The following SPTBN1 variants were observed in gnomAD, a reference collection of about 807,000 sequenced individuals.
The protein encoded by SPTBN1 is spectrin beta, non-erythrocytic 1, also known as spectrin beta chain, non-erythrocytic 1.
Under a neutral mutation model 266.4 loss-of-function variants are expected in SPTBN1, and 32 were observed. That is an observed-to-expected ratio of 0.12 (90% CI 0.09 to 0.16). The LOEUF (loss-of-function observed/expected upper bound fraction) is 0.16. SPTBN1 is among the 10% of genes least tolerant of loss of function. SPTBN1 has a pLI of 1.00. For missense variants in SPTBN1, 2,296 were observed against 3,067.1 expected (o/e 0.75, Z 5.94); for synonymous variants, 1,336 against 1,162.2 (o/e 1.15, Z -3.04).
intron 1 of SPTBN1, among the ~76,000 whole-genome samples, chr2:54,514,611 A>G (rs1573310743): frequency 6.6e-6 from 1 of 152,238 alleles, no homozygotes; most frequent in Non-Finnish European, 1.5e-5. Context: ...TCTGGTGGGG[A>G]GTAGCCACTC....
Position 54,628,210 on chromosome 2 carries a change from T to C in SPTBN1, c.1758T>C (p.Gly586=). 1 of 1,613,540 alleles carries C rather than the reference T, an allele frequency of 6.2e-7. No individual in the cohort carries two copies. Among genetic ancestry groups the C allele is most frequent in the Non-Finnish European group, 8.5e-7 (1 of 1,179,762 alleles). The part of the protein sequence containing the change: ...DIGIQAERVR[G]VNASAQKFAT... Reference sequence around the variant, plus strand: ...GCATCCAGGCAGAGCGGGTGAGAGGTGTCAATGCCTCCGCCCAGAAGTTCG... The same window carrying C: ...GCATCCAGGCAGAGCGGGTGAGAGGCGTCAATGCCTCCGCCCAGAAGTTCG... The change falls in exon 13 of 36, where the codon GGT becomes GGC. Residue 586 remains glycine (G), a synonymous_variant. Transcript: ENST00000356805. The surrounding 1 kb of genome is among the most constrained non-coding windows in gnomAD (Gnocchi z 4.3).
At chr2:54,469,982 C>T (rs6545408) in intron 1 of SPTBN1, among the ~76,000 whole-genome samples, 53,751 of 152,040 alleles carry the variant, frequency 0.35, 12,386 homozygotes, top group African/African-American at 0.66. Flanking sequence ...TTCTCTGTTT[C>T]AAAGGTAGGT....
At chr2:54,619,675 C>T (rs1414209118) in intron 7 of SPTBN1, among the ~76,000 whole-genome samples, 1 of 152,182 alleles carries the variant, frequency 6.6e-6, no homozygotes, top group Non-Finnish European at 1.5e-5. Context: ...GTTTTGTTGA[C>T]ATTTTGTGTT....
At chr2:54,471,555 A>G (rs1693919737) in intron 1 of SPTBN1, among the ~76,000 whole-genome samples, 1 of 152,070 alleles carries the variant, frequency 6.6e-6, no homozygotes, top group Non-Finnish European at 1.5e-5. Flanking sequence ...TAATGCAGCA[A>G]CATCTTACTT....
intron 2 of SPTBN1, among the ~76,000 whole-genome samples, chr2:54,549,007 A>G (rs1229589590): frequency 2.0e-5 from 3 of 152,214 alleles, no homozygotes; most frequent in Non-Finnish European, 4.4e-5. Context: ...AGGTTCTGTA[A>G]GACTTGCATT....
At chr2:54,504,980 G>A (rs1669477540) in intron 1 of SPTBN1, among the ~76,000 whole-genome samples, 1 of 152,166 alleles carries the variant, frequency 6.6e-6, no homozygotes, top group Non-Finnish European at 1.5e-5. Context: ...GTTTGTAGAA[G>A]AATACTTTGT....
chr2:54,529,034 TAGC>T (rs1573345355), intron 2 of SPTBN1, among the ~76,000 whole-genome samples: 1 of 152,222 alleles, frequency 6.6e-6, no homozygotes, highest in East Asian at 1.9e-4. Flanking sequence ...TATATGCTGA[TAGC>T]AGGAGTTACA....
intron 1 of SPTBN1, among the ~76,000 whole-genome samples, chr2:54,477,334 A>G (rs1400236373): frequency 6.6e-6 from 1 of 152,040 alleles, no homozygotes; most frequent in Non-Finnish European, 1.5e-5. Flanking sequence ...TTGTAACTGT[A>G]CATGGGTAAA....
intron 1 of SPTBN1, among the ~76,000 whole-genome samples, chr2:54,512,374 A>G (rs1269674319): frequency 2.0e-5 from 3 of 152,332 alleles, no homozygotes; most frequent in East Asian, 3.9e-4. Context: ...CCAAGCATAC[A>G]AAGGGGAAAG....
At position 54,626,378 on chromosome 2, in the gene SPTBN1, A is replaced by G; in HGVS notation, c.1644+144A>G. 1 of 1,073,742 alleles carries G rather than the reference A, an allele frequency of 9.3e-7. No individual in the cohort carries two copies. Among genetic ancestry groups the G allele is most frequent in the Admixed American group, 2.9e-5 (1 of 34,678 alleles). The allele number at this position is 1,073,742 out of a possible 1,614,324, so 66.5% of individuals were successfully genotyped here. On this transcript the variant is annotated intron_variant, in intron 12 of 35. Coordinates refer to ENST00000356805, the MANE Select transcript of SPTBN1 (RefSeq NM_003128.3). The surrounding 1 kb of genome is among the most constrained non-coding windows in gnomAD (Gnocchi z 4.7). ...CAGCTAGAGAGGAGCCACATCACCC[A>G]TGGGAAGATTGCTAGCTCAGGAATT...
chr2:54,498,553 G>T (rs115370960), intron 1 of SPTBN1, among the ~76,000 whole-genome samples: 14 of 152,220 alleles, frequency 9.2e-5, no homozygotes, highest in African/African-American at 3.4e-4. Flanking sequence ...TTATTTTGAG[G>T]ATTAAATGAG....
chr2:54,458,491 C>A (rs1468099606), intron 1 of SPTBN1, among the ~76,000 whole-genome samples: 1 of 152,010 alleles, frequency 6.6e-6, no homozygotes, highest in Non-Finnish European at 1.5e-5. Context: ...AGTGTCCGGG[C>A]GTAATTAATG....
intron 2 of SPTBN1, among the ~76,000 whole-genome samples, chr2:54,561,421 A>G (rs563028645): frequency 3.5e-5 from 5 of 143,366 alleles, no homozygotes; most frequent in Admixed American, 1.4e-4. Context: ...GATGTGAGCT[A>G]CCTTGCCAGT....
At position 54,526,485 on chromosome 2, in the gene SPTBN1, A is replaced by G; in HGVS notation, c.67A>G (p.Asn23Asp). ...CCAGCAGCAGTACAGTGATGTCAAC[A>G]ACCGCTGGGATGTCGACGACTGGGA... ...EIQQQYSDVN[N>D]RWDVDDWDNE... Residue 23 changes from asparagine (N) to aspartate (D), a missense_variant, in exon 2 of 36, where the codon AAC becomes GAC. By Grantham distance (23) the Asn-to-Asp change is conservative (BLOSUM62 1). Around this residue, in one of 12 missense-constraint regions of SPTBN1, gnomAD observed 178 missense variants for 375.7 expected, o/e 0.47. Coordinates refer to ENST00000356805, the MANE Select transcript of SPTBN1 (RefSeq NM_003128.3). 6.2e-7 allele frequency: 1 copy of G among 1,614,204 alleles called. No individual in the cohort carries two copies. Among genetic ancestry groups the G allele is most frequent in the Non-Finnish European group, 8.5e-7 (1 of 1,180,038 alleles).
At chr2:54,614,829 CTG>C (rs1677488313) in intron 4 of SPTBN1, among the ~76,000 whole-genome samples, 1 of 151,634 alleles carries the variant, frequency 6.6e-6, no homozygotes. Context: ...TGGTGAGAAA[CTG>C]GAGTGGAAGT....
At chr2:54,523,698 T>A (rs1456790968) in intron 1 of SPTBN1, among the ~76,000 whole-genome samples, 1 of 152,196 alleles carries the variant, frequency 6.6e-6, no homozygotes, top group Non-Finnish European at 1.5e-5. Flanking sequence ...GTTTATTTTT[T>A]GTGTGGTGGC....
rs1392108424 is a variant in SPTBN1 at position 54,666,035 on chromosome 2, T to A, written c.6780T>A (p.Ala2260=). 1 of 1,614,054 alleles carries A rather than the reference T, an allele frequency of 6.2e-7. No individual in the cohort carries two copies. Residue 2260 remains alanine (A), a synonymous_variant, in exon 34 of 36, where the codon GCT becomes GCA. Transcript: ENST00000356805. ...HSEVPVSLKE[A]VCEVALDYKK... ...AGGTCCCTGTGAGTTTGAAAGAAGC[T>A]GTCTGCGAAGTGGCCCTTGATTACA... is the stretch of plus-strand genomic sequence containing the variant.
At chr2:54,614,516 A>G (rs906218587) in intron 4 of SPTBN1, among the ~76,000 whole-genome samples, 3 of 152,192 alleles carry the variant, frequency 2.0e-5, no homozygotes, top group African/African-American at 7.2e-5. Context: ...AAAAGAGAGT[A>G]TAAGGGCCAG....
intron 1 of SPTBN1, among the ~76,000 whole-genome samples, chr2:54,503,468 T>C (rs1159527193): frequency 2.0e-5 from 3 of 152,100 alleles, no homozygotes; most frequent in African/African-American, 7.2e-5. Flanking sequence ...TCTTTGACAC[T>C]GGCTGTCTCA....
Sources: gnomAD v4.1 joint callset for allele counts (sites outside exome capture counted in the v4.1 genomes callset) on GRCh38, gnomAD v4.1.1 for gene constraint, gnomAD v4.1.1 regional missense constraint, Gnocchi (gnomAD v3.1) non-coding constraint, MANE v1.5 for transcripts, NCBI Gene and HGNC (gene_info 2026-07-23, HGNC 2026-07-21) for gene names.